Variants in JAZF1 observed in about 807,000 individuals in gnomAD.
JAZF1 encodes juxtaposed with another zinc finger protein 1.
In JAZF1, 8 loss-of-function variants were observed where a neutral mutation model predicts 26.4. The observed-to-expected ratio is 0.30, with a 90% confidence interval of 0.18 to 0.55. JAZF1 has a LOEUF of 0.55. Ranked by LOEUF, JAZF1 falls within the 20% of genes least tolerant of loss-of-function variation. The pLI is 0.94. For missense variants in JAZF1, 199 were observed against 322.0 expected, an observed-to-expected ratio of 0.62 and a Z score of 2.92; for synonymous variants, 126 against 122.3, an observed-to-expected ratio of 1.03 and a Z score of -0.20.
rs74542517 is a variant in JAZF1 at position 27,913,305 on chromosome 7, G to A, written c.189-17889C>T. ...TATATATATATATTTGTGTGTGTGT[G>A]TGTAGCCAGATTGAGATTTTCTAAC... On this transcript the variant is annotated intron_variant, in intron 2 of 4. Coordinates refer to ENST00000283928, the MANE Select transcript of JAZF1 (RefSeq NM_175061.4). 8.4e-3 allele frequency: 3,434 copies of A among 407,890 alleles called. 116 individuals carry two copies. Among genetic ancestry groups the A allele is most frequent in the African/African-American group, 0.068 (3,110 of 45,614 alleles). The allele number at this position is 407,890 out of a possible 1,614,324, so 25.3% of individuals were successfully genotyped here. A position where few individuals can be genotyped will look rare whatever the true frequency, so the allele number is the denominator to read the frequency against.
intron 2 of JAZF1, among the ~76,000 whole-genome samples, chr7:27,912,994 G>C (rs114126779): frequency 1.2e-3 from 188 of 152,102 alleles, no homozygotes; most frequent in African/African-American, 4.2e-3. Flanking sequence ...CTCTGTGTCC[G>C]TATCGCTCCC....
At chr7:28,113,589 C>T (rs891095463) in intron 1 of JAZF1, among the ~76,000 whole-genome samples, 5 of 152,214 alleles carry the variant, frequency 3.3e-5, no homozygotes, top group African/African-American at 1.2e-4. Context: ...GGACCAGGCA[C>T]AGTGCTAGGC....
At chr7:27,948,157 C>T (rs1236072944) in intron 2 of JAZF1, among the ~76,000 whole-genome samples, 1 of 151,878 alleles carries the variant, frequency 6.6e-6, no homozygotes, top group African/African-American at 2.4e-5. Context: ...TCCTGGGGAG[C>T]CTGAAAATCA....
chr7:27,839,924 A>T (rs1782889852), intron 4 of JAZF1, among the ~76,000 whole-genome samples: 1 of 152,210 alleles, frequency 6.6e-6, no homozygotes, highest in African/African-American at 2.4e-5. Flanking sequence ...TTATACTCCT[A>T]GCTCACAGTT....
At chr7:27,913,148 C>T (rs1259525831) in intron 2 of JAZF1, among the ~76,000 whole-genome samples, 4 of 151,750 alleles carry the variant, frequency 2.6e-5, no homozygotes. Context: ...TCTGCCTCCT[C>T]ATTAGGCCTT....
rs1484394251 is a variant in JAZF1 at position 27,832,982 on chromosome 7, G to A, written c.556-6C>T. 2 of 1,549,560 alleles carry A rather than the reference G, an allele frequency of 1.3e-6. No homozygotes were observed. Among genetic ancestry groups the A allele is most frequent in the South Asian group, 2.4e-5 (2 of 83,144 alleles). On this transcript the variant is annotated splice_region_variant and splice_polypyrimidine_tract_variant and intron_variant, in intron 4 of 4. Coordinates refer to ENST00000283928, the MANE Select transcript of JAZF1 (RefSeq NM_175061.4). ...TACTTTATGCCATTCACATTCTGTGGAGAAGACAAAAATATTTATTACATG... is the reference window on the plus strand; with the variant it reads ...TACTTTATGCCATTCACATTCTGTGAAGAAGACAAAAATATTTATTACATG...
intron 1 of JAZF1, among the ~76,000 whole-genome samples, chr7:28,072,359 C>T (rs528853239): frequency 6.6e-6 from 1 of 152,322 alleles, no homozygotes; most frequent in African/African-American, 2.4e-5. Flanking sequence ...ATTAACAAAA[C>T]GGCATAAGCC....
At chr7:28,171,778 G>A (rs750736600) in intron 1 of JAZF1, among the ~76,000 whole-genome samples, 1 of 152,148 alleles carries the variant, frequency 6.6e-6, no homozygotes, top group East Asian at 1.9e-4. Context: ...TTACAGGATG[G>A]GGGTAATGTC....
chr7:27,948,830 A>AT (rs1784960972), intron 2 of JAZF1, among the ~76,000 whole-genome samples: 1 of 152,148 alleles, frequency 6.6e-6, no homozygotes, highest in Non-Finnish European at 1.5e-5. Flanking sequence ...AAGTTTTGGA[A>AT]TTTTTTCACT....
At chr7:28,150,712 G>A (rs1332006150) in intron 1 of JAZF1, among the ~76,000 whole-genome samples, 1 of 152,190 alleles carries the variant, frequency 6.6e-6, no homozygotes, top group African/African-American at 2.4e-5. Context: ...AAGCACTCAG[G>A]TGGGGTCTGA....
At chr7:27,948,653 A>T (rs1784957074) in intron 2 of JAZF1, among the ~76,000 whole-genome samples, 1 of 152,222 alleles carries the variant, frequency 6.6e-6, no homozygotes. Context: ...GAAACACAGT[A>T]ACCATCTGAA....
intron 1 of JAZF1, among the ~76,000 whole-genome samples, chr7:28,053,622 C>T (rs1467450135): frequency 1.3e-5 from 2 of 152,164 alleles, no homozygotes; most frequent in Non-Finnish European, 1.5e-5. Flanking sequence ...TTTCATACCT[C>T]CTATTAATGG....
At chr7:27,969,450 C>A (rs1267090327) in intron 2 of JAZF1, among the ~76,000 whole-genome samples, 5 of 152,056 alleles carry the variant, frequency 3.3e-5, no homozygotes, top group Non-Finnish European at 7.4e-5. Context: ...CTCTGCGAAT[C>A]CTTCTGCTTG....
intron 1 of JAZF1, among the ~76,000 whole-genome samples, chr7:28,049,385 G>A (rs1783555231): frequency 6.6e-6 from 1 of 151,862 alleles, no homozygotes; most frequent in East Asian, 2.0e-4. Flanking sequence ...CGCCCGGCCG[G>A]AAACCCTTTC....
At chr7:28,131,876 G>C (rs890841645) in intron 1 of JAZF1, among the ~76,000 whole-genome samples, 1 of 152,112 alleles carries the variant, frequency 6.6e-6, no homozygotes, top group Non-Finnish European at 1.5e-5. Context: ...GTATTATTTA[G>C]AAGTGATTCT....
At chr7:27,951,517 G>A (rs1785008260) in intron 2 of JAZF1, among the ~76,000 whole-genome samples, 2 of 152,112 alleles carry the variant, frequency 1.3e-5, no homozygotes, top group Admixed American at 6.6e-5. Flanking sequence ...ATCTTTCCTG[G>A]GCGACCAGAT....
chr7:27,989,483 G>C (rs1346625589), intron 2 of JAZF1, among the ~76,000 whole-genome samples: 1 of 152,178 alleles, frequency 6.6e-6, no homozygotes, highest in Non-Finnish European at 1.5e-5. Flanking sequence ...ACTACCGTCA[G>C]AGTGAACAGG....
rs925519481 is a variant in JAZF1 at position 28,152,912 on chromosome 7, T to A, written c.115+27551A>T. 1.4e-3 allele frequency among the ~76,000 whole-genome samples: 219 copies of A among 152,332 alleles called. 1 individual carries two copies. Among genetic ancestry groups the A allele is most frequent in the African/African-American group, 5.2e-3 (216 of 41,582 alleles). ...CAGAAATACATTTGAATTTTACAAC[T>A]TTTTCATAACTATTATGATTACATG... On this transcript the variant is annotated intron_variant, in intron 1 of 4. Coordinates refer to ENST00000283928, the MANE Select transcript of JAZF1 (RefSeq NM_175061.4).
intron 1 of JAZF1, among the ~76,000 whole-genome samples, chr7:28,065,448 A>G (rs1292985393): frequency 6.6e-6 from 1 of 152,116 alleles, no homozygotes; most frequent in Non-Finnish European, 1.5e-5. Context: ...ACAATCAGAC[A>G]GTGAGGTGAG....
Sources: gnomAD v4.1 joint callset for allele counts (sites outside exome capture counted in the v4.1 genomes callset) on GRCh38, gnomAD v4.1.1 for gene constraint, MANE v1.5 for transcripts, NCBI Gene and HGNC (gene_info 2026-07-23, HGNC 2026-07-21) for gene names.